Variants in THSD7B observed in about 807,000 individuals in gnomAD.
THSD7B encodes the protein thrombospondin type-1 domain-containing protein 7B.
Under a neutral mutation model 213.6 loss-of-function variants are expected in THSD7B, and 138 were observed. That is an observed-to-expected ratio of 0.65 (90% CI 0.56 to 0.74). THSD7B has a LOEUF of 0.74. Among genes scored for constraint, THSD7B ranks in the 30% least tolerant of loss-of-function variants. The pLI, the probability that THSD7B is intolerant of heterozygous loss-of-function variation, is 0.00. For synonymous variants in THSD7B, 742 were observed against 687.0 expected, an observed-to-expected ratio of 1.08 and a Z score of -1.25; for missense variants, 1,931 against 1,991.5, an observed-to-expected ratio of 0.97 and a Z score of 0.58.
At chr2:137,123,139 C>A (rs533737686) in intron 5 of THSD7B, among the ~76,000 whole-genome samples, 21 of 152,260 alleles carry the variant, frequency 1.4e-4, no homozygotes, top group African/African-American at 5.1e-4. Flanking sequence ...ACTGTCCCAT[C>A]TCCCTTCCTA....
At chr2:137,610,375 G>A (rs1458912304) in intron 17 of THSD7B, among the ~76,000 whole-genome samples, 2 of 152,066 alleles carry the variant, frequency 1.3e-5, no homozygotes, top group African/African-American at 2.4e-5. Flanking sequence ...TGGAAGGCAT[G>A]GCTAGGGTAA....
intron 5 of THSD7B, among the ~76,000 whole-genome samples, chr2:137,143,228 C>T (rs1679628184): frequency 6.6e-6 from 1 of 152,112 alleles, no homozygotes; most frequent in South Asian, 2.1e-4. Flanking sequence ...ACAATTGGTA[C>T]TATACACATG....
At chr2:137,458,228 C>A (rs187830439) in intron 15 of THSD7B, among the ~76,000 whole-genome samples, 140 of 152,234 alleles carry the variant, frequency 9.2e-4, no homozygotes, top group African/African-American at 3.1e-3. Context: ...GTTTTTATTA[C>A]CTTTCGGGAA....
At position 136,958,936 on chromosome 2, in the gene THSD7B, G is replaced by A. The variant is rs568870871; in HGVS notation, c.139+76619G>A. Among the ~76,000 whole-genome samples the A allele has an allele frequency of 1.8e-4, 28 of 152,270 alleles. No individual in the cohort carries two copies. The South Asian group carries it at 5.8e-3, about 32-fold the overall frequency. On this transcript the variant is annotated intron_variant, in intron 2 of 27. Transcript: ENST00000409968. ...ACTTCTTGGACATAGAATGTGGCGG[G>A]GGAGGATTCAGACAGACGCACCTCA...
intron 12 of THSD7B, among the ~76,000 whole-genome samples, chr2:137,311,708 A>C (rs1194877287): frequency 6.6e-6 from 1 of 151,796 alleles, no homozygotes; most frequent in Admixed American, 6.6e-5. Context: ...GAGAGTTTTT[A>C]GCATGAAGGG....
intron 12 of THSD7B, among the ~76,000 whole-genome samples, chr2:137,313,079 A>G (rs201718187): frequency 0.059 from 8,968 of 150,914 alleles, 344 homozygotes; most frequent in East Asian, 0.1. Context: ...TTTCTGTCTC[A>G]TTGATCTGTC....
intron 21 of THSD7B, among the ~76,000 whole-genome samples, chr2:137,654,720 A>T (rs1683203477): frequency 1.3e-5 from 2 of 152,114 alleles, no homozygotes; most frequent in African/African-American, 2.4e-5. Context: ...GATATGGCTG[A>T]TGATAGTCTC....
In THSD7B at chr2:137,655,516, G is replaced by A; in HGVS notation, c.3961G>A (p.Glu1321Lys). The A allele has an allele frequency of 1.9e-6, 3 of 1,611,850 alleles. No homozygotes were observed. Among genetic ancestry groups the A allele is most frequent in the Non-Finnish European group, 2.5e-6 (3 of 1,178,964 alleles). The part of the protein sequence containing the change: ...ACKLEGGDCG[E>K]GVQIRSLSCM... ...CCTCTCATAGGGTGGAGACTGTGGG[G>A]AAGGAGTTCAGATCCGCAGCCTTTC... Residue 1321 changes from glutamate (E) to lysine (K), a missense_variant, in exon 22 of 28, where the codon GAA becomes AAA. By Grantham distance (56) the Glu-to-Lys change is moderately conservative. Transcript: ENST00000409968.
intron 2 of THSD7B, among the ~76,000 whole-genome samples, chr2:136,970,794 AAAAG>A (rs1282043289): frequency 1.3e-5 from 2 of 152,182 alleles, no homozygotes; most frequent in African/African-American, 2.4e-5. Flanking sequence ...AAATCTTTCA[AAAAG>A]AAAGAAAGAG....
At chr2:137,425,492 C>T (rs1386015084) in intron 14 of THSD7B, among the ~76,000 whole-genome samples, 1 of 152,170 alleles carries the variant, frequency 6.6e-6, no homozygotes, top group African/African-American at 2.4e-5. Context: ...GTTGGGATTA[C>T]AGGCGTGAGC....
chr2:137,451,739 A>C (rs1226105351), intron 15 of THSD7B, among the ~76,000 whole-genome samples: 1 of 152,082 alleles, frequency 6.6e-6, no homozygotes, highest in Non-Finnish European at 1.5e-5. Flanking sequence ...AATTTCTCCC[A>C]TGATTGTGTA....
chr2:137,289,822 T>C (rs1196279360), intron 12 of THSD7B, among the ~76,000 whole-genome samples: 1 of 151,872 alleles, frequency 6.6e-6, no homozygotes, highest in Non-Finnish European at 1.5e-5. Context: ...GTGGGGTAAA[T>C]ATACTGAAGG....
chr2:137,059,360 C>T (rs1038331685), intron 3 of THSD7B, among the ~76,000 whole-genome samples: 5 of 152,094 alleles, frequency 3.3e-5, no homozygotes, highest in Non-Finnish European at 5.9e-5. Context: ...AATTGATGAG[C>T]TAATATTGAT....
At chr2:136,854,657 A>G (rs1328002845) in intron 1 of THSD7B, among the ~76,000 whole-genome samples, 1 of 151,230 alleles carries the variant, frequency 6.6e-6, no homozygotes, top group Admixed American at 6.6e-5. Context: ...ATAAGTTGGG[A>G]ACGGAAAGTG....
At chr2:136,870,370 G>C (rs1397384383) in intron 1 of THSD7B, among the ~76,000 whole-genome samples, 2 of 152,148 alleles carry the variant, frequency 1.3e-5, no homozygotes, top group Admixed American at 1.3e-4. Context: ...ATAGTCCATG[G>C]ATCCATTGAG....
Position 137,265,593 on chromosome 2 carries a change from A to T in THSD7B, c.2267-6940A>T, listed in dbSNP as rs138998420. Among the ~76,000 whole-genome samples, 704 of 152,342 alleles carry T rather than the reference A, an allele frequency of 4.6e-3. 6 individuals carry two copies. The highest frequency in any genetic ancestry group is 0.015 in the African/African-American group (642 of 41,580). ...ACAGCCTTCTTTGAATGTTTGAATGATGCAAGCAGAATTCTGTGGCAAGAA... is the reference window on the plus strand; with the variant it reads ...ACAGCCTTCTTTGAATGTTTGAATGTTGCAAGCAGAATTCTGTGGCAAGAA... On this transcript the variant is annotated intron_variant, in intron 10 of 27. Transcript: ENST00000409968.
intron 2 of THSD7B, among the ~76,000 whole-genome samples, chr2:136,944,639 T>C (rs1012169806): frequency 6.6e-6 from 1 of 152,228 alleles, no homozygotes; most frequent in East Asian, 1.9e-4. Context: ...CATTATGTAA[T>C]GGCCTTCTTT....
At chr2:137,356,967 GACACACACAC>G (rs3048465) in intron 12 of THSD7B, among the ~76,000 whole-genome samples, 1,832 of 140,970 alleles carry the variant, frequency 0.013, 42 homozygotes, top group African/African-American at 0.045. Context: ...CACACACACA[GACACACACAC>G]ACACACACAC....
intron 3 of THSD7B, among the ~76,000 whole-genome samples, chr2:137,088,962 A>T (rs1425911316): frequency 6.6e-6 from 1 of 152,006 alleles, no homozygotes; most frequent in Non-Finnish European, 1.5e-5. Flanking sequence ...ATAAAAAAAT[A>T]AAAAAAATTA....
Sources: gnomAD v4.1 joint callset for allele counts (sites outside exome capture counted in the v4.1 genomes callset) on GRCh38, gnomAD v4.1.1 for gene constraint, MANE v1.5 for transcripts, NCBI Gene and HGNC (gene_info 2026-07-23, HGNC 2026-07-21) for gene names.